The following HORMAD2 variants were observed in gnomAD, a reference collection of about 807,000 sequenced individuals.
HORMAD2 encodes HORMA domain containing 2.
HORMAD2 carries 45 observed loss-of-function variants against 38.8 expected under a neutral mutation model. That is an observed-to-expected ratio of 1.16 (90% CI 0.91 to 1.49). HORMAD2 has a LOEUF of 1.49. Ranked by LOEUF, HORMAD2 falls within the 40% of genes most tolerant of loss-of-function variation. The pLI is 0.00. For missense variants in HORMAD2, 338 were observed against 367.0 expected, an observed-to-expected ratio of 0.92 and a Z score of 0.65; for synonymous variants, 126 against 122.8, an observed-to-expected ratio of 1.03 and a Z score of -0.17.
intron 3 of HORMAD2, among the ~76,000 whole-genome samples, chr22:30,099,361 G>T (rs1318081592): frequency 6.6e-6 from 1 of 152,146 alleles, no homozygotes; most frequent in Non-Finnish European, 1.5e-5. Flanking sequence ...AAGGAACCAG[G>T]TGAAAAACTT....
rs868149682 is a variant in HORMAD2, at chr22:30,122,541, T to A, written c.819+327T>A. ...TTAGGGTTGAAAAATATTCTAGGTA[T>A]TTATTCATACTCATTGGAAGTATAA... On this transcript the variant is annotated intron_variant, in intron 10 of 10. Coordinates refer to ENST00000336726, the MANE Select transcript of HORMAD2 (RefSeq NM_152510.4). 8.5e-5 allele frequency among the ~76,000 whole-genome samples: 13 copies of A among 152,326 alleles called. No homozygotes were observed. The South Asian group carries it at 2.5e-3, about 29-fold the overall frequency.
At chr22:30,086,723 T>A (rs939710953) in intron 1 of HORMAD2, among the ~76,000 whole-genome samples, 1 of 152,180 alleles carries the variant, frequency 6.6e-6, no homozygotes, top group Non-Finnish European at 1.5e-5. Flanking sequence ...AAGATGAGAC[T>A]GGTTGATTTA....
chr22:30,166,162 G>T (rs764401248), intron 10 of HORMAD2, among the ~76,000 whole-genome samples: 13 of 151,930 alleles, frequency 8.6e-5, no homozygotes, highest in South Asian at 2.1e-4. Context: ...TTTATTTGAT[G>T]AATTAATCTT....
chr22:30,084,716 T>C (rs1238125829), intron 1 of HORMAD2, among the ~76,000 whole-genome samples: 1 of 152,116 alleles, frequency 6.6e-6, no homozygotes, highest in African/African-American at 2.4e-5. Context: ...CTTGAACTGC[T>C]GACCTCAAGT....
intron 10 of HORMAD2, among the ~76,000 whole-genome samples, chr22:30,168,488 A>G (rs896027653): frequency 1.3e-5 from 2 of 152,228 alleles, no homozygotes; most frequent in African/African-American, 4.8e-5. Flanking sequence ...ACCTCATTCC[A>G]ATTCAGAATA....
upstream of HORMAD2, among the ~76,000 whole-genome samples, chr22:30,078,015 G>T (rs2068404790): frequency 6.6e-6 from 1 of 152,170 alleles, no homozygotes; most frequent in South Asian, 2.1e-4. Context: ...AAAGATGAAG[G>T]CTTTACCCAA....
chr22:30,137,020 A>C, intron 10 of HORMAD2: 1 of 442,218 alleles, frequency 2.3e-6, no homozygotes, highest in Admixed American at 3.6e-5. Flanking sequence ...TTCCATGTGT[A>C]ATTGTTGCAT....
At chr22:30,108,585 C>G (rs1212752557) in intron 5 of HORMAD2, among the ~76,000 whole-genome samples, 1 of 152,032 alleles carries the variant, frequency 6.6e-6, no homozygotes. Flanking sequence ...TCCCTGACAC[C>G]CTCCTCCCTA....
intron 3 of HORMAD2, among the ~76,000 whole-genome samples, chr22:30,102,849 C>T (rs909648155): frequency 2.6e-5 from 4 of 151,970 alleles, no homozygotes; most frequent in Non-Finnish European, 4.4e-5. Context: ...AGGCTGGTTT[C>T]GACGTCCTAG....
the HORMAD2 span, among the ~76,000 whole-genome samples, chr22:30,206,403 C>G: frequency 6.6e-6 from 1 of 152,110 alleles, no homozygotes; most frequent in South Asian, 2.1e-4. Flanking sequence ...CGTGATCCAC[C>G]TGCCTCAGCC....
At chr22:30,109,438 C>T (rs1477824916) in intron 5 of HORMAD2, among the ~76,000 whole-genome samples, 2 of 152,158 alleles carry the variant, frequency 1.3e-5, no homozygotes, top group African/African-American at 4.8e-5. Context: ...CTGCCTCAGC[C>T]TCCCAAGTAG....
chr22:30,155,753 T>C (rs1224947995), intron 10 of HORMAD2, among the ~76,000 whole-genome samples: 1 of 152,214 alleles, frequency 6.6e-6, no homozygotes, highest in Non-Finnish European at 1.5e-5. Flanking sequence ...GTAGAATTCA[T>C]TCTAGCTTTA....
At chr22:30,191,048 G>GTCAGT in the HORMAD2 span, among the ~76,000 whole-genome samples, 1 of 152,168 alleles carries the variant, frequency 6.6e-6, no homozygotes, top group East Asian at 1.9e-4. Flanking sequence ...AGGGAGGAGA[G>GTCAGT]GCCAGTGCCA....
At chr22:30,091,783 G>C (rs2068691894) in intron 1 of HORMAD2, among the ~76,000 whole-genome samples, 1 of 152,048 alleles carries the variant, frequency 6.6e-6, no homozygotes, top group Admixed American at 6.6e-5. Context: ...CATAATGCTT[G>C]TACTAATTTA....
chr22:30,138,350 T>G (rs1253932860), intron 10 of HORMAD2, among the ~76,000 whole-genome samples: 1 of 151,906 alleles, frequency 6.6e-6, no homozygotes, highest in East Asian at 1.9e-4. Flanking sequence ...AATATTTTTG[T>G]GGAGATGGGG....
At chr22:30,158,711 T>C (rs923463588) in intron 10 of HORMAD2, among the ~76,000 whole-genome samples, 4 of 149,684 alleles carry the variant, frequency 2.7e-5, no homozygotes, top group Non-Finnish European at 5.9e-5. Flanking sequence ...CTTTCCAGGG[T>C]CTTGCTCTGT....
chr22:30,115,308 G>A (rs1322057577), intron 7 of HORMAD2, among the ~76,000 whole-genome samples: 9 of 152,062 alleles, frequency 5.9e-5, no homozygotes, highest in Admixed American at 5.9e-4. Context: ...TAAAATTTTT[G>A]CAAATGTGGG....
the HORMAD2 span, among the ~76,000 whole-genome samples, chr22:30,205,316 G>A: frequency 5.5e-3 from 834 of 152,168 alleles, 32 homozygotes; most frequent in South Asian, 0.091. Flanking sequence ...TAACCACAGC[G>A]CTCTCCTGCT....
At chr22:30,143,980 G>C (rs565853176) in intron 10 of HORMAD2, among the ~76,000 whole-genome samples, 34 of 152,308 alleles carry the variant, frequency 2.2e-4, no homozygotes, top group Non-Finnish European at 4.3e-4. Flanking sequence ...GCCCTCACCA[G>C]AAGCTGATGC....
Sources: gnomAD v4.1 joint callset for allele counts (sites outside exome capture counted in the v4.1 genomes callset) on GRCh38, gnomAD v4.1.1 for gene constraint, MANE v1.5 for transcripts, NCBI Gene and HGNC (gene_info 2026-07-23, HGNC 2026-07-21) for gene names.